SORCS2: variants seen among roughly 807,000 people sequenced by gnomAD.
SORCS2 encodes the protein sortilin related VPS10 domain containing receptor 2, also known as VPS10 domain-containing receptor SorCS2.
A neutral mutation model predicts 141.6 loss-of-function variants in SORCS2; 100 were observed. The observed-to-expected ratio is 0.71, with a 90% CI of 0.60 to 0.83. The LOEUF is 0.83. Among genes scored for constraint, SORCS2 ranks in the 40% least tolerant of loss-of-function variants. The probability of loss-of-function intolerance (pLI) is 0.00; values close to 1 mark genes in which losing one functional copy is unlikely to be tolerated. For missense variants in SORCS2, 1,646 were observed against 1,560.2 expected (o/e 1.05, Z -0.93); for synonymous variants, 789 against 676.9 (o/e 1.17, Z -2.57).
intron 2 of SORCS2, among the ~76,000 whole-genome samples, chr4:7,447,972 G>A (rs557900363): frequency 3.3e-5 from 5 of 152,224 alleles, no homozygotes; most frequent in African/African-American, 1.2e-4. Context: ...ACGCCTGCTC[G>A]GTTTTGCCAC....
chr4:7,277,942 T>C (rs976822707), intron 1 of SORCS2, among the ~76,000 whole-genome samples: 1 of 152,184 alleles, frequency 6.6e-6, no homozygotes, highest in Admixed American at 6.5e-5. Flanking sequence ...CCCTGGACAT[T>C]GCGGTGTACA....
chr4:7,426,842 A>G (rs536281181), intron 2 of SORCS2, among the ~76,000 whole-genome samples: 29 of 152,328 alleles, frequency 1.9e-4, no homozygotes, highest in African/African-American at 6.5e-4. Context: ...GTTTCTCTGC[A>G]TTAACGTCTG....
intron 3 of SORCS2, among the ~76,000 whole-genome samples, chr4:7,596,395 G>T (rs534522808): frequency 6.6e-6 from 1 of 152,108 alleles, no homozygotes; most frequent in East Asian, 1.9e-4. Context: ...ATAGGGACTC[G>T]CTAGACCTGC....
chr4:7,549,332 G>A (rs547028920), intron 3 of SORCS2, among the ~76,000 whole-genome samples: 1 of 152,084 alleles, frequency 6.6e-6, no homozygotes, highest in Admixed American at 6.5e-5. Context: ...CTCCCAGCCT[G>A]CCTTTTCAAC....
intron 1 of SORCS2, among the ~76,000 whole-genome samples, chr4:7,320,788 T>C (rs1718847744): frequency 6.6e-6 from 1 of 152,198 alleles, no homozygotes; most frequent in African/African-American, 2.4e-5. Flanking sequence ...AGGATGCTCC[T>C]ACTCCTTTGT....
chr4:7,535,878 G>A (rs1351780769), intron 3 of SORCS2, among the ~76,000 whole-genome samples: 1 of 152,254 alleles, frequency 6.6e-6, no homozygotes, highest in Non-Finnish European at 1.5e-5. Flanking sequence ...CCCGGGTCAG[G>A]CTGCTTGCTC....
intron 1 of SORCS2, among the ~76,000 whole-genome samples, chr4:7,294,821 T>C (rs1215485569): frequency 8.8e-5 from 1 of 11,424 alleles, no homozygotes. Context: ...CTCTCCCTCC[T>C]CCCCCTCCCC....
rs79624221 is a variant in SORCS2, at chr4:7,664,443, C to A, written c.1043C>A (p.Thr348Asn). ...GGCCCCATTGACCACGGGTCTCTGA[C>A]CGTGCAGGACGATTACATCTTCTTT... The part of the protein sequence containing the change: ...FAGPIDHGSL[T>N]VQDDYIFFKA... Residue 348 changes from threonine to asparagine, a missense_variant, in exon 7 of 27, where the codon ACC (threonine) becomes AAC (asparagine). By Grantham distance (65) the Thr-to-Asn change is moderately conservative. Coordinates refer to ENST00000507866, the MANE Select transcript of SORCS2 (RefSeq NM_020777.3). This position sits in a 1 kb window ranked among gnomAD's most constrained non-coding sequence, Gnocchi z 4.7. The A allele has an allele frequency of 6.2e-7, 1 of 1,613,678 alleles. No individual in the cohort carries two copies. The highest frequency in any genetic ancestry group is 2.2e-5 in the East Asian group (1 of 44,878).
At chr4:7,719,618 C>G (rs1726438573) in intron 18 of SORCS2, among the ~76,000 whole-genome samples, 1 of 152,216 alleles carries the variant, frequency 6.6e-6, no homozygotes, top group African/African-American at 2.4e-5. Context: ...TGGGGCGCCT[C>G]TGTTCGCAGC....
At chr4:7,731,767 G>A (rs1336243226) in intron 23 of SORCS2, among the ~76,000 whole-genome samples, 2 of 152,218 alleles carry the variant, frequency 1.3e-5, no homozygotes, top group African/African-American at 4.8e-5. Flanking sequence ...ACATGCAGAA[G>A]AATGCAATTA....
At chr4:7,548,511 A>C (rs1004052688) in intron 3 of SORCS2, among the ~76,000 whole-genome samples, 1 of 152,188 alleles carries the variant, frequency 6.6e-6, no homozygotes, top group African/African-American at 2.4e-5. Flanking sequence ...GGTTGGTGGC[A>C]TACAAGCGTT....
intron 3 of SORCS2, among the ~76,000 whole-genome samples, chr4:7,581,030 A>T (rs1224062888): frequency 2.6e-5 from 4 of 152,192 alleles, no homozygotes; most frequent in Non-Finnish European, 5.9e-5. Flanking sequence ...CATTTTACAG[A>T]TGAGGAAACT....
chr4:7,295,124 T>C (rs1399363915), intron 1 of SORCS2, among the ~76,000 whole-genome samples: 3 of 11,096 alleles, frequency 2.7e-4, no homozygotes, highest in African/African-American at 5.1e-4. Context: ...CCTCCTCCTC[T>C]TCCTCCTCCC....
At position 7,519,019 on chromosome 4, in the gene SORCS2, C is replaced by T. The variant is rs180818562; in HGVS notation, c.549-12511C>T. On this transcript the variant is annotated intron_variant, in intron 2 of 26. Coordinates refer to ENST00000507866, the MANE Select transcript of SORCS2 (RefSeq NM_020777.3). ...GCTGGCAGCCTCGGGCTTGCAGGCT[C>T]TGGCATCCCAGCTGGCTGGCATGGG... Among the ~76,000 whole-genome samples the T allele has an allele frequency of 7.9e-5, 12 of 152,318 alleles. No individual in the cohort carries two copies. The East Asian group carries it at 2.1e-3, about 27-fold the overall frequency.
At chr4:7,679,863 C>T (rs1723404369) in intron 9 of SORCS2, among the ~76,000 whole-genome samples, 2 of 152,064 alleles carry the variant, frequency 1.3e-5, no homozygotes, top group Admixed American at 6.6e-5. Flanking sequence ...ATCAGACCCA[C>T]CCGGGGGCCT....
At chr4:7,726,645 G>A in intron 20 of SORCS2, 135 bp from the exon 21 acceptor site, 2 of 1,163,792 alleles carry the variant, frequency 1.7e-6, no homozygotes, top group Non-Finnish European at 1.2e-6. Context: ...ACCACAGGAT[G>A]TCCATAATGG....
In SORCS2 at chr4:7,665,931, A is replaced by G. The variant is rs1183372644; in HGVS notation, c.1072-1193A>G. 3.3e-5 allele frequency among the ~76,000 whole-genome samples: 5 copies of G among 152,292 alleles called. No homozygotes were observed. In the East Asian group the frequency reaches 9.7e-4, roughly 29 times the overall value. ...ATCACTCAGTGCAGCAAGAGGGAACACATGCCCTGGGGAACCTGGGCATCT... is the reference window on the plus strand; with the variant it reads ...ATCACTCAGTGCAGCAAGAGGGAACGCATGCCCTGGGGAACCTGGGCATCT... On this transcript the variant is annotated intron_variant, in intron 7 of 26. Transcript: ENST00000507866.
At chr4:7,736,307 G>C (rs1415040962) in intron 25 of SORCS2, among the ~76,000 whole-genome samples, 2 of 152,256 alleles carry the variant, frequency 1.3e-5, no homozygotes, top group Non-Finnish European at 2.9e-5. Context: ...AAGTGTTGCA[G>C]CTTATAGGTG....
intron 4 of SORCS2, among the ~76,000 whole-genome samples, chr4:7,652,658 C>G (rs1721518508): frequency 6.6e-6 from 1 of 152,148 alleles, no homozygotes; most frequent in Admixed American, 6.5e-5. Flanking sequence ...CTGCACAGGC[C>G]TCTCTCAGGC....
Sources: allele counts gnomAD v4.1 joint callset (sites outside exome capture counted in the v4.1 genomes callset), GRCh38; gene constraint gnomAD v4.1.1; non-coding constraint Gnocchi (gnomAD v3.1); transcripts MANE v1.5; gene names NCBI Gene and HGNC (gene_info 2026-07-23, HGNC 2026-07-21).